The following RNGTT variants were observed in gnomAD, a reference collection of about 807,000 sequenced individuals.
RNGTT encodes RNA guanylyltransferase and 5'-phosphatase, also known as mRNA-capping enzyme.
A neutral mutation model predicts 79.3 loss-of-function variants in RNGTT; 33 were observed. The ratio of observed to expected loss-of-function variants is 0.42; its 90% CI spans 0.32 to 0.56. The LOEUF (loss-of-function observed/expected upper bound fraction) is 0.56. RNGTT is among the 20% of genes least tolerant of loss of function. The pLI is 0.17. For missense variants in RNGTT, 497 were observed against 739.1 expected (o/e 0.67, Z 3.80); for synonymous variants, 222 against 235.9 (o/e 0.94, Z 0.54).
intron 8 of RNGTT, among the ~76,000 whole-genome samples, chr6:88,859,634 G>A (rs754502997): frequency 2.0e-5 from 3 of 152,190 alleles, no homozygotes; most frequent in African/African-American, 4.8e-5. Flanking sequence ...AGGTTAGGAA[G>A]TGATACAAGT....
intron 12 of RNGTT, among the ~76,000 whole-genome samples, chr6:88,781,286 A>G (rs1029966135): frequency 2.0e-5 from 3 of 152,190 alleles, no homozygotes; most frequent in Admixed American, 2.0e-4. Context: ...GATATCTAAA[A>G]ACACCTTGCA....
chr6:88,733,758 T>C (rs1025479664), intron 13 of RNGTT, among the ~76,000 whole-genome samples: 3 of 151,630 alleles, frequency 2.0e-5, no homozygotes, highest in Non-Finnish European at 2.9e-5. Context: ...AAGAATCGCA[T>C]CAGACTTCTC....
intron 13 of RNGTT, among the ~76,000 whole-genome samples, chr6:88,769,546 T>G (rs774735319): frequency 1.3e-5 from 2 of 151,996 alleles, no homozygotes; most frequent in Admixed American, 6.6e-5. Context: ...AAAACAAAGA[T>G]CAGTAAACTT....
rs369622014 is a variant in RNGTT at position 88,662,216 on chromosome 6, AAAG to A, written c.1506+16134_1506+16136del. ...TATTTCATGAGAAAGCAAAAGGTTA[AAAG>A]AAGAAGTGAGATCAATAGCCAGATG... On this transcript the variant is annotated intron_variant, in intron 14 of 15. Transcript: ENST00000369485. Among the ~76,000 whole-genome samples the A allele has an allele frequency of 3.5e-3, 537 of 152,352 alleles. 1 individual carries two copies. The highest frequency in any genetic ancestry group is 0.02 in the Middle Eastern group (6 of 294).
intron 11 of RNGTT, among the ~76,000 whole-genome samples, chr6:88,834,268 A>C (rs530842923): frequency 6.6e-6 from 1 of 152,336 alleles, no homozygotes; most frequent in Non-Finnish European, 1.5e-5. Flanking sequence ...TATCTGGGAC[A>C]ATAAATCTTT....
intron 14 of RNGTT, among the ~76,000 whole-genome samples, chr6:88,647,326 T>C (rs1773605253): frequency 6.6e-6 from 1 of 152,184 alleles, no homozygotes; most frequent in African/African-American, 2.4e-5. Flanking sequence ...TTTTCAAAAT[T>C]GTGAAGTTTC....
chr6:88,668,148 G>A lies in RNGTT; in HGVS notation c.1506+10205C>T, dbSNP rs181488925. Among the ~76,000 whole-genome samples, 32 of 152,224 alleles carry A rather than the reference G, an allele frequency of 2.1e-4. 1 individual carries two copies. Among genetic ancestry groups the A allele is most frequent in the Admixed American group, 1.6e-3 (25 of 15,292 alleles). On this transcript the variant is annotated intron_variant, in intron 14 of 15. Coordinates refer to ENST00000369485, the MANE Select transcript of RNGTT (RefSeq NM_003800.5). ...GTTTACCCTTTCTCCCCAGGTGATC[G>A]AGTGTGGATCAAAGACTGGAACATA...
At chr6:88,910,176 T>C (rs929560530) in intron 4 of RNGTT, among the ~76,000 whole-genome samples, 9 of 152,110 alleles carry the variant, frequency 5.9e-5, no homozygotes, top group African/African-American at 9.7e-5. Flanking sequence ...ATTCAGAATA[T>C]GGATGGCAAG....
In RNGTT at chr6:88,963,359, G is replaced by C. The variant is rs890646958; in HGVS notation, c.51C>G (p.Gly17=). The change falls in exon 1 of 16, where the codon GGC becomes GGG. Residue 17 remains glycine, a synonymous_variant. Coordinates refer to ENST00000369485, the MANE Select transcript of RNGTT (RefSeq NM_003800.5). ...AGTCCAGGTTACCTGCCACCGGCTG[G>C]CCGCGCCGGGGACAGTTCAGCCACC... is the stretch of plus-strand genomic sequence containing the variant. ...PPRWLNCPRR[G]QPVAGRFLPL... is the part of the protein sequence containing the mutation. 4 of 1,611,656 alleles carry C rather than the reference G, an allele frequency of 2.5e-6. No individual in the cohort carries two copies. The highest frequency in any genetic ancestry group is 3.3e-5 in the Admixed American group (2 of 59,876).
chr6:88,930,184 A>G (rs1784473046), intron 2 of RNGTT, among the ~76,000 whole-genome samples: 2 of 148,364 alleles, frequency 1.3e-5, no homozygotes, highest in Admixed American at 6.8e-5. Flanking sequence ...ATATGTATAT[A>G]CATATATACA....
At chr6:88,658,229 G>A (rs961535108) in intron 14 of RNGTT, among the ~76,000 whole-genome samples, 9 of 152,122 alleles carry the variant, frequency 5.9e-5, no homozygotes, top group African/African-American at 2.2e-4. Context: ...GCAACACCTT[G>A]GCCAACCAGA....
At chr6:88,884,302 T>C (rs1021714179) in intron 8 of RNGTT, among the ~76,000 whole-genome samples, 5 of 152,162 alleles carry the variant, frequency 3.3e-5, no homozygotes, top group Admixed American at 2.6e-4. Context: ...ATGGGTACAA[T>C]GCAGCTGTAA....
intron 13 of RNGTT, among the ~76,000 whole-genome samples, chr6:88,724,475 T>C (rs889775850): frequency 6.6e-6 from 1 of 152,202 alleles, no homozygotes; most frequent in African/African-American, 2.4e-5. Context: ...CCTAGGTGTG[T>C]GGTAGGTTAT....
At chr6:88,832,456 C>T (rs1271215989) in intron 11 of RNGTT, among the ~76,000 whole-genome samples, 2 of 152,098 alleles carry the variant, frequency 1.3e-5, no homozygotes, top group South Asian at 2.1e-4. Flanking sequence ...AAGACTTAAA[C>T]ATAAGACCTA....
intron 13 of RNGTT, among the ~76,000 whole-genome samples, chr6:88,736,691 C>T (rs1777297956): frequency 6.6e-6 from 1 of 152,108 alleles, no homozygotes; most frequent in African/African-American, 2.4e-5. Context: ...GAGGAGAACA[C>T]CAAGGTTGTG....
intron 14 of RNGTT, among the ~76,000 whole-genome samples, chr6:88,676,860 T>C (rs1774895864): frequency 6.6e-6 from 1 of 152,164 alleles, no homozygotes. Flanking sequence ...GGAAATGTAA[T>C]ACAACTACCA....
chr6:88,945,554 C>T (rs961181600), intron 1 of RNGTT, among the ~76,000 whole-genome samples: 6 of 152,160 alleles, frequency 3.9e-5, no homozygotes, highest in African/African-American at 9.7e-5. Flanking sequence ...CTTTAACCAA[C>T]GTCTAAATGT....
intron 13 of RNGTT, among the ~76,000 whole-genome samples, chr6:88,731,370 T>C (rs1777109721): frequency 6.6e-6 from 1 of 152,056 alleles, no homozygotes; most frequent in African/African-American, 2.4e-5. Flanking sequence ...ATAATCACAA[T>C]GTATGCTAAC....
chr6:88,763,074 C>T (rs1023971198), intron 13 of RNGTT, among the ~76,000 whole-genome samples: 3 of 149,008 alleles, frequency 2.0e-5, no homozygotes, highest in Admixed American at 2.0e-4. Context: ...CAGGCATGTG[C>T]CATCATGGCC....
Sources: allele counts gnomAD v4.1 joint callset (sites outside exome capture counted in the v4.1 genomes callset), GRCh38; gene constraint gnomAD v4.1.1; transcripts MANE v1.5; gene names NCBI Gene and HGNC (gene_info 2026-07-23, HGNC 2026-07-21).